The following SPRY3 variants were observed in gnomAD, a reference collection of about 807,000 sequenced individuals.
SPRY3 encodes the protein sprouty RTK signaling antagonist 3.
In SPRY3, 15 loss-of-function variants were observed where a neutral mutation model predicts 20.2. That is an observed-to-expected ratio of 0.74 (90% confidence interval 0.50 to 1.14). The LOEUF (loss-of-function observed/expected upper bound fraction) is 1.14, where lower values mean the gene tolerates loss of function less well. Ranked by LOEUF, SPRY3 falls within the 50% of genes most tolerant of loss-of-function variation. The pLI is 0.00. For missense variants in SPRY3, 364 were observed against 363.9 expected, an observed-to-expected ratio of 1.00 and a Z score of 0.00; for synonymous variants, 143 against 136.5, an observed-to-expected ratio of 1.05 and a Z score of -0.33.
At chrX:155,649,848 A>C (rs1242327124) in intron 1 of SPRY3, among the ~76,000 whole-genome samples, 1 of 111,583 alleles carries the variant, frequency 9.0e-6, no homozygotes, top group Non-Finnish European at 1.9e-5. Context: ...TGCACATGAC[A>C]TGACTTTATA....
At chrX:155,746,473 C>T (rs1244788320) in intron 2 of SPRY3, among the ~76,000 whole-genome samples, 1 of 151,958 alleles carries the variant, frequency 6.6e-6, no homozygotes, top group Non-Finnish European at 1.5e-5. Context: ...AGAAAATCAT[C>T]TTGCCCTCAA....
intron 2 of SPRY3, among the ~76,000 whole-genome samples, chrX:155,692,182 CTTTATATTTTA>C (rs1682930263): frequency 9.2e-6 from 1 of 109,043 alleles, no homozygotes; most frequent in African/African-American, 3.5e-5. Flanking sequence ...ATGGGTACAG[CTTTATATTTTA>C]CATTTAGCTC....
intron 2 of SPRY3, among the ~76,000 whole-genome samples, chrX:155,679,107 T>C (rs2068066119): frequency 9.0e-6 from 1 of 111,175 alleles, no homozygotes; most frequent in South Asian, 3.9e-4. Flanking sequence ...AATGATGAGT[T>C]GATGGGTGCA....
chrX:155,676,428 C>T (rs1241243152), intron 2 of SPRY3, among the ~76,000 whole-genome samples: 3 of 111,200 alleles, frequency 2.7e-5, no homozygotes, highest in African/African-American at 9.8e-5. Context: ...TCTCACTTCC[C>T]TCCCTGTGCT....
At chrX:155,719,359 G>A (rs976911016) in intron 2 of SPRY3, among the ~76,000 whole-genome samples, 11 of 152,148 alleles carry the variant, frequency 7.2e-5, no homozygotes, top group African/African-American at 1.7e-4. Context: ...GTGCTCTGGG[G>A]CTCTAAATAA....
chrX:155,691,290 A>G (rs2068101411), intron 2 of SPRY3, among the ~76,000 whole-genome samples: 1 of 87,619 alleles, frequency 1.1e-5, no homozygotes, highest in Non-Finnish European at 2.1e-5. Flanking sequence ...GCATTATTCT[A>G]TTTATAGCAT....
At chrX:155,694,514 G>A (rs772044558) in intron 2 of SPRY3, among the ~76,000 whole-genome samples, 4 of 111,267 alleles carry the variant, frequency 3.6e-5, no homozygotes, top group African/African-American at 9.8e-5. Flanking sequence ...TCCATGGACC[G>A]GGGTGGGTGA....
exon 2 of SPRY3, chrX:155,782,279 C>T (rs2091467574): frequency 6.0e-6 from 1 of 166,892 alleles, no homozygotes; most frequent in South Asian, 2.1e-4. Context: ...CCAGAATAAT[C>T]TGTAACCACA....
chrX:155,778,921 A>G (rs700443), downstream of SPRY3: 1 of 167,060 alleles, frequency 6.0e-6, no homozygotes, highest in African/African-American at 2.4e-5. Flanking sequence ...AAAGCTATGT[A>G]CGATCCAGGG....
intron 2 of SPRY3, among the ~76,000 whole-genome samples, chrX:155,746,686 A>C (rs1183919817): frequency 6.6e-6 from 1 of 151,960 alleles, no homozygotes; most frequent in Non-Finnish European, 1.5e-5. Context: ...GACATTAATA[A>C]CTGCACATTG....
chrX:155,727,442 A>G (rs377664535), intron 2 of SPRY3, among the ~76,000 whole-genome samples: 2 of 152,138 alleles, frequency 1.3e-5, no homozygotes, highest in Non-Finnish European at 2.9e-5. Flanking sequence ...AGGTACACCT[A>G]TCAGATGTAG....
At chrX:155,772,391 G>T (rs922001092) in intron 3 of SPRY3, among the ~76,000 whole-genome samples, 1 of 152,080 alleles carries the variant, frequency 6.6e-6, no homozygotes. Flanking sequence ...TTATGGAAAC[G>T]TAATCAAGCA....
chrX:155,744,423 C>A (rs2091216607), intron 2 of SPRY3, among the ~76,000 whole-genome samples: 1 of 152,100 alleles, frequency 6.6e-6, no homozygotes, highest in Non-Finnish European at 1.5e-5. Context: ...GGTTAAACAG[C>A]AACAGTAGGG....
At chrX:155,663,052 A>G (rs1260489300) in intron 2 of SPRY3, among the ~76,000 whole-genome samples, 4 of 112,436 alleles carry the variant, frequency 3.6e-5, no homozygotes, top group Non-Finnish European at 7.5e-5. Context: ...CTTCCAGAAG[A>G]AAAGCTTCAG....
intron 1 of SPRY3, among the ~76,000 whole-genome samples, chrX:155,624,419 TTAAA>T (rs1383284727): frequency 4.5e-5 from 5 of 111,870 alleles, no homozygotes; most frequent in Middle Eastern, 9.2e-3. Context: ...TGAAGAAAAG[TTAAA>T]TATTTATACT....
intron 1 of SPRY3, among the ~76,000 whole-genome samples, chrX:155,615,453 A>G (rs1374899437): frequency 8.9e-6 from 1 of 112,257 alleles, no homozygotes; most frequent in African/African-American, 3.2e-5. Flanking sequence ...GTGAACTTCG[A>G]TTTATCAAAG....
chrX:155,721,716 C>T (rs908118459), intron 2 of SPRY3, among the ~76,000 whole-genome samples: 1 of 151,850 alleles, frequency 6.6e-6, no homozygotes, highest in Non-Finnish European at 1.5e-5. Flanking sequence ...AAAAATTATC[C>T]TTCGAACATG....
intron 2 of SPRY3, among the ~76,000 whole-genome samples, chrX:155,709,567 C>T (rs919894746): frequency 2.0e-5 from 3 of 151,512 alleles, no homozygotes; most frequent in Non-Finnish European, 3.0e-5. Context: ...TTATCAATTC[C>T]TTGTCAGATG....
At chrX:155,771,985 T>G (rs2091384373) in intron 3 of SPRY3, among the ~76,000 whole-genome samples, 1 of 152,128 alleles carries the variant, frequency 6.6e-6, no homozygotes, top group African/African-American at 2.4e-5. Context: ...TCACATCACA[T>G]ATCCTTCAGT....
Sources: gnomAD v4.1 joint callset for allele counts (sites outside exome capture counted in the v4.1 genomes callset) on GRCh38, gnomAD v4.1.1 for gene constraint, MANE v1.5 for transcripts, NCBI Gene and HGNC (gene_info 2026-07-23, HGNC 2026-07-21) for gene names.